Variants in SCN2A observed in about 807,000 individuals in gnomAD.
The protein encoded by SCN2A is sodium voltage-gated channel alpha subunit 2.
SCN2A carries 20 observed loss-of-function variants against 188.7 expected under a neutral mutation model. The ratio of observed to expected loss-of-function variants is 0.11; its 90% CI spans 0.07 to 0.15. SCN2A has a LOEUF of 0.15. Among genes scored for constraint, SCN2A ranks in the 10% least tolerant of loss-of-function variants. The probability of loss-of-function intolerance (pLI) is 1.00; values close to 1 mark genes in which losing one functional copy is unlikely to be tolerated. For missense variants in SCN2A, 1,278 were observed against 2,445.0 expected (o/e 0.52, Z 10.07); for synonymous variants, 804 against 833.1 (o/e 0.97, Z 0.60).
intron 14 of SCN2A, among the ~76,000 whole-genome samples, chr2:165,339,146 G>A (rs1311491575): frequency 2.0e-5 from 3 of 151,816 alleles, no homozygotes; most frequent in Admixed American, 2.0e-4. Flanking sequence ...GCTTGAACCC[G>A]GGAGGCGGAG....
chr2:165,312,169 C>G (rs1697471468), intron 8 of SCN2A, 81 bp downstream of exon 8: 1 of 977,964 alleles, frequency 1.0e-6, no homozygotes, highest in Non-Finnish European at 1.6e-6. Context: ...TCATCCAGTC[C>G]CACTCACTCC....
rs1371781675 is a variant in SCN2A at position 165,380,713 on chromosome 2, A to G, written c.4430A>G (p.Asn1477Ser). Residue 1477 changes from asparagine to serine, a missense_variant, in exon 24 of 27, where the codon AAC becomes AGC. Around this residue, in one of 17 missense-constraint regions of SCN2A, gnomAD observed 97 missense variants for 266.1 expected, o/e 0.36. Coordinates refer to ENST00000375437, the MANE Select transcript of SCN2A (RefSeq NM_001040142.2). ...ATTGGTGTCATCATAGATAACTTCAACCAACAGAAAAAGAAGATAAGTATA... is the reference window on the plus strand; with the variant it reads ...ATTGGTGTCATCATAGATAACTTCAGCCAACAGAAAAAGAAGATAAGTATA... Reference protein sequence around the residue: ...LFIGVIIDNFNQQKKKFGGQD... With the variant: ...LFIGVIIDNFSQQKKKFGGQD... The G allele has an allele frequency of 6.3e-7, 1 of 1,586,522 alleles. No individual in the cohort carries two copies. Among genetic ancestry groups the G allele is most frequent in the African/African-American group, 1.3e-5 (1 of 74,342 alleles).
chr2:165,338,386 A>G (rs994089804), intron 14 of SCN2A, among the ~76,000 whole-genome samples: 1 of 151,194 alleles, frequency 6.6e-6, no homozygotes, highest in Non-Finnish European at 1.5e-5. Context: ...TAGCCTCCCG[A>G]GTAGCTGGGA....
Position 165,239,614 on chromosome 2 carries a change from T to C in SCN2A, c.-78T>C, listed in dbSNP as rs1206307516. 4 of 983,936 alleles carry C rather than the reference T, an allele frequency of 4.1e-6. No individual in the cohort carries two copies. The highest frequency in any genetic ancestry group is 4.8e-6 in the Non-Finnish European group (4 of 828,558). The allele number at this position is 983,936 out of a possible 1,614,324, so 61.0% of individuals were successfully genotyped here. On this transcript the variant is annotated 5_prime_UTR_variant, in exon 1 of 27. Coordinates refer to ENST00000375437, the MANE Select transcript of SCN2A (RefSeq NM_001040142.2). ...TTCAACACATACGTGGATTCTGTGT[T>C]ATGATTTACATTTTTCTTTATTTCA...
At position 165,315,511 on chromosome 2, in the gene SCN2A, G is replaced by A. The variant is rs1697692404; in HGVS notation, c.1424G>A (p.Ser475Asn). 1.2e-6 allele frequency: 2 copies of A among 1,613,888 alleles called. No homozygotes were observed. The highest frequency in any genetic ancestry group is 8.5e-7 in the Non-Finnish European group (1 of 1,179,900). ...GCATCTGCTGAATCAAGAGACTTCA[G>A]TGGTGCTGGTGGGATAGGAGTTTTT... ...AAASAESRDFSGAGGIGVFSE... is the reference protein window; with the variant it reads ...AAASAESRDFNGAGGIGVFSE... The change falls in exon 11 of 27, where the codon AGT (serine) becomes AAT (asparagine). Residue 475 changes from serine to asparagine, a missense_variant. Physicochemically the swap from Ser to Asn is conservative, Grantham distance 46. Transcript: ENST00000375437.
Position 165,322,357 on chromosome 2 carries a change from G to A in SCN2A, c.1672-799G>A, listed in dbSNP as rs116685865. The stretch of plus-strand genomic sequence containing the variant: ...GCCTCAAGTCCTGCTGCATCCAGGA[G>A]TTGAAATTAGTGTCTCCCAGATAAC... On this transcript the variant is annotated intron_variant, in intron 11 of 26. Coordinates refer to ENST00000375437, the MANE Select transcript of SCN2A (RefSeq NM_001040142.2). Among the ~76,000 whole-genome samples, 1,247 of 152,288 alleles carry A rather than the reference G, an allele frequency of 8.2e-3. 24 individuals carry two copies. The highest frequency in any genetic ancestry group is 0.028 in the African/African-American group (1,154 of 41,544).
chr2:165,339,883 A>G (rs977335877), intron 14 of SCN2A, among the ~76,000 whole-genome samples: 1 of 152,178 alleles, frequency 6.6e-6, no homozygotes, highest in Non-Finnish European at 1.5e-5. Flanking sequence ...ACATTAACCT[A>G]CCTGACTTCA....
At chr2:165,386,599 G>C in intron 25 of SCN2A, 147 bp from the exon 26 acceptor site, 1 of 856,938 alleles carries the variant, frequency 1.2e-6, no homozygotes, top group South Asian at 1.8e-5. Flanking sequence ...GGTTTTGCAA[G>C]GAATTTTTTT....
At chr2:165,285,743 C>T (rs779104217) in intron 1 of SCN2A, 7 of 188,340 alleles carry the variant, frequency 3.7e-5, no homozygotes, top group Admixed American at 2.8e-4. Flanking sequence ...CCACAAATAA[C>T]TGCAGCTTCT....
chr2:165,320,895 G>A (rs921600844), intron 11 of SCN2A, among the ~76,000 whole-genome samples: 18 of 152,258 alleles, frequency 1.2e-4, no homozygotes, highest in African/African-American at 3.4e-4. Flanking sequence ...CCATTGTCTT[G>A]GGGATTAACA....
chr2:165,363,746 A>AATC (rs1700580909), intron 17 of SCN2A, among the ~76,000 whole-genome samples: 1 of 152,124 alleles, frequency 6.6e-6, no homozygotes, highest in Non-Finnish European at 1.5e-5. Flanking sequence ...TAAAATAAGA[A>AATC]ATCATCAACC....
At chr2:165,328,422 G>T in intron 13 of SCN2A, 1 of 935,956 alleles carries the variant, frequency 1.1e-6, no homozygotes, top group Non-Finnish European at 1.3e-6. Flanking sequence ...TTTGAAGATT[G>T]TCTGGCCTTC....
chr2:165,248,802 A>G (rs1484851747), intron 1 of SCN2A, among the ~76,000 whole-genome samples: 1 of 152,110 alleles, frequency 6.6e-6, no homozygotes, highest in Non-Finnish European at 1.5e-5. Flanking sequence ...TCTATAGAAG[A>G]GACTAAAAAT....
chr2:165,291,352 GTTCC>G (rs756578383), intron 1 of SCN2A, among the ~76,000 whole-genome samples: 1,391 of 55,914 alleles, frequency 0.025, 47 homozygotes, highest in African/African-American at 0.06. Context: ...TCTGTCGTTC[GTTCC>G]TTCCTTCCTT....
intron 13 of SCN2A, among the ~76,000 whole-genome samples, chr2:165,328,878 T>G (rs562225060): frequency 6.6e-6 from 1 of 152,176 alleles, no homozygotes; most frequent in Non-Finnish European, 1.5e-5. Context: ...GAATGAAAAC[T>G]GACTTTTCTT....
At chr2:165,300,415 C>T (rs560623929) in intron 3 of SCN2A, among the ~76,000 whole-genome samples, 13 of 151,984 alleles carry the variant, frequency 8.6e-5, no homozygotes, top group African/African-American at 2.9e-4. Context: ...ACAAATACGT[C>T]GATTGGGAGC....
Position 165,305,949 on chromosome 2 carries a change from G to T in SCN2A, c.387-1899G>T, listed in dbSNP as rs183131288. ...TGTGTTGCTGGGAAAAAGCCAGTAA[G>T]GTGGGAGCCATTAAGGATAAGAAAA... On this transcript the variant is annotated intron_variant, in intron 3 of 26. Coordinates refer to ENST00000375437, the MANE Select transcript of SCN2A (RefSeq NM_001040142.2). 2.2e-3 allele frequency among the ~76,000 whole-genome samples: 331 copies of T among 152,208 alleles called. 4 individuals are homozygous for T. The highest frequency in any genetic ancestry group is 7.5e-3 in the African/African-American group (311 of 41,528).
chr2:165,280,812 C>T (rs1286627596), intron 1 of SCN2A, among the ~76,000 whole-genome samples: 1 of 152,206 alleles, frequency 6.6e-6, no homozygotes, highest in Non-Finnish European at 1.5e-5. Context: ...CTTAACTAAT[C>T]ACTTTCCCAT....
At chr2:165,287,021 A>G (rs1393941907) in intron 1 of SCN2A, among the ~76,000 whole-genome samples, 2 of 152,194 alleles carry the variant, frequency 1.3e-5, no homozygotes, top group African/African-American at 2.4e-5. Flanking sequence ...GTTGGAGGAA[A>G]GAATTTGGCT....
Sources: gnomAD v4.1 joint callset for allele counts (sites outside exome capture counted in the v4.1 genomes callset) on GRCh38, gnomAD v4.1.1 for gene constraint, gnomAD v4.1.1 regional missense constraint, MANE v1.5 for transcripts, NCBI Gene and HGNC (gene_info 2026-07-23, HGNC 2026-07-21) for gene names.